Variants in ZNF350 observed in about 807,000 individuals in gnomAD.
ZNF350 encodes zinc finger protein 350, also known as KRAB zinc finger protein ZFQR.
A neutral mutation model predicts 13.1 loss-of-function variants in ZNF350; 5 were observed. That is an observed-to-expected ratio of 0.38 (90% CI 0.20 to 0.80). ZNF350 has a LOEUF of 0.80. ZNF350 is among the 30% of genes least tolerant of loss of function. The pLI, the probability that ZNF350 is intolerant of heterozygous loss-of-function variation, is 0.43. For missense variants in ZNF350, 534 were observed against 644.2 expected (o/e 0.83, Z 1.85); for synonymous variants, 199 against 224.2 (o/e 0.89, Z 1.00).
At chr19:51,975,266 C>T (rs968841919) in intron 1 of ZNF350, among the ~76,000 whole-genome samples, 22 of 152,006 alleles carry the variant, frequency 1.4e-4, no homozygotes, top group Admixed American at 1.3e-4. Context: ...ATCAGGAGTC[C>T]GAGACCGGCC....
intron 1 of ZNF350, among the ~76,000 whole-genome samples, chr19:51,985,577 G>C (rs183172044): frequency 8.5e-5 from 13 of 152,298 alleles, no homozygotes; most frequent in African/African-American, 3.1e-4. Context: ...GAACCAGCAA[G>C]ATTGGCTAAG....
intron 1 of ZNF350, among the ~76,000 whole-genome samples, chr19:51,977,333 G>A (rs149582640): frequency 6.6e-6 from 1 of 152,306 alleles, no homozygotes; most frequent in East Asian, 1.9e-4. Context: ...GGTGCTATGC[G>A]TTTTTTACCC....
At chr19:51,977,214 T>C (rs2085918783) in intron 1 of ZNF350, among the ~76,000 whole-genome samples, 1 of 152,170 alleles carries the variant, frequency 6.6e-6, no homozygotes. Context: ...AGCAGGTTAT[T>C]CATGAACACA....
rs2085558454 is a variant in ZNF350, at chr19:51,966,052, T to C, written c.401A>G (p.Lys134Arg). ...TAAAGTTAAATTGGATTTCAAACTT[T>C]TTCCACGTAAGTCAAATATATCATG... ...QNHDIFDLRG[K>R]SLKSNLTLVN... is the part of the protein sequence containing the mutation. The change falls in exon 5 of 5, where the codon AAA (lysine) becomes AGA (arginine). Residue 134 changes from lysine (K) to arginine (R), a missense_variant. Lys to Arg is a conservative substitution (Grantham distance 26). Coordinates refer to ENST00000243644, the MANE Select transcript of ZNF350 (RefSeq NM_021632.4). 3.1e-6 allele frequency: 5 copies of C among 1,613,980 alleles called. No individual in the cohort carries two copies. Among genetic ancestry groups the C allele is most frequent in the Non-Finnish European group, 3.4e-6 (4 of 1,180,024 alleles).
At position 51,965,470 on chromosome 19, in the gene ZNF350, A is replaced by G. The variant is rs750673090; in HGVS notation, c.983T>C (p.Ile328Thr). Residue 328 changes from isoleucine to threonine, a missense_variant, in exon 5 of 5, where the codon ATT becomes ACT. By Grantham distance (89) the Ile-to-Thr change is moderately conservative. Transcript: ENST00000243644. ...YICNECGKGF[I>T]QKTCLIAHQR... Reference sequence around the variant, plus strand: ...ATGTGCTATGAGACACGTCTTCTGAATGAAGCCTTTTCCACATTCATTGCA... The same window carrying G: ...ATGTGCTATGAGACACGTCTTCTGAGTGAAGCCTTTTCCACATTCATTGCA... 3.7e-6 allele frequency: 6 copies of G among 1,614,072 alleles called. No homozygotes were observed. The highest frequency in any genetic ancestry group is 2.2e-5 in the South Asian group (2 of 91,074).
In ZNF350 at chr19:51,982,709, G is replaced by C. The variant is rs117939818; in HGVS notation, c.-172+4061C>G. ...TTTTTAAAGTTTGAAAAAAAAGTTA[G>C]AAGACTTGCCATATCAGTTATGAGG... On this transcript the variant is annotated intron_variant, in intron 1 of 4. Coordinates refer to ENST00000243644, the MANE Select transcript of ZNF350 (RefSeq NM_021632.4). Among the ~76,000 whole-genome samples the C allele has an allele frequency of 2.5e-3, 377 of 152,212 alleles. 5 individuals carry two copies. The highest frequency in any genetic ancestry group is 4.2e-3 in the Non-Finnish European group (286 of 68,024).
chr19:51,981,421 T>C (rs1172536512), intron 1 of ZNF350: 1 of 152,184 alleles, frequency 6.6e-6, no homozygotes, highest in Non-Finnish European at 1.5e-5. Flanking sequence ...TGCAGTCCCA[T>C]GGGTCCATGT....
In ZNF350 at chr19:51,965,102, T is replaced by A. The variant is rs1247383679; in HGVS notation, c.1351A>T (p.Met451Leu). The A allele has an allele frequency of 2.5e-6, 4 of 1,614,120 alleles. No individual in the cohort carries two copies. The East Asian group carries it at 8.9e-5, about 36-fold the overall frequency. The change falls in exon 5 of 5, where the codon ATG (methionine) becomes TTG (leucine). Residue 451 changes from methionine (M) to leucine (L), a missense_variant. By Grantham distance (15) the Met-to-Leu change is conservative (BLOSUM62 2). Transcript: ENST00000243644. Reference protein sequence around the residue: ...RHSSLHTSDVMQEKNSANGAT... With the variant: ...RHSSLHTSDVLQEKNSANGAT... ...CCGTTAGCAGAGTTTTTCTCCTGCATGACATCACTGGTGTGTAATGAGCTG... is the reference window on the plus strand; with the variant it reads ...CCGTTAGCAGAGTTTTTCTCCTGCAAGACATCACTGGTGTGTAATGAGCTG...
intron 1 of ZNF350, chr19:51,980,988 C>T (rs1325256714): frequency 2.0e-5 from 3 of 152,228 alleles, no homozygotes; most frequent in African/African-American, 7.2e-5. Context: ...GCCTTACATT[C>T]TTTCAATTAA....
At chr19:51,971,840 AC>A (rs1393497560) in intron 2 of ZNF350, among the ~76,000 whole-genome samples, 1 of 152,176 alleles carries the variant, frequency 6.6e-6, no homozygotes, top group African/African-American at 2.4e-5. Flanking sequence ...TGTGCGGGTT[AC>A]AAGTGGCGCC....
intron 2 of ZNF350, among the ~76,000 whole-genome samples, chr19:51,972,656 A>AAT (rs2085773637): frequency 6.6e-6 from 1 of 151,838 alleles, no homozygotes; most frequent in Non-Finnish European, 1.5e-5. Flanking sequence ...TATCATAATG[A>AAT]ATATATATAT....
chr19:51,968,870 C>G, intron 3 of ZNF350, 135 bp downstream of exon 3: 2 of 1,577,228 alleles, frequency 1.3e-6, no homozygotes, highest in Admixed American at 3.4e-5. Flanking sequence ...ATTACACCGT[C>G]TTGTGTGGGA....
chr19:51,972,464 A>AT (rs1200417783), intron 2 of ZNF350, among the ~76,000 whole-genome samples: 1 of 151,192 alleles, frequency 6.6e-6, no homozygotes, highest in Non-Finnish European at 1.5e-5. Flanking sequence ...TGACAAATGC[A>AT]TTTTTTTCAA....
chr19:51,967,921 G>T (rs1373800897), intron 4 of ZNF350, among the ~76,000 whole-genome samples: 1 of 152,120 alleles, frequency 6.6e-6, no homozygotes, highest in African/African-American at 2.4e-5. Context: ...AAATTACACA[G>T]AACTAAAATC....
At position 51,968,625 on chromosome 19, in the gene ZNF350, T is replaced by C. The variant is rs1176574599; in HGVS notation, c.191A>G (p.Glu64Gly). The change falls in exon 4 of 5, where the codon GAA becomes GGA. Residue 64 changes from glutamate to glycine, a missense_variant. Physicochemically the swap from Glu to Gly is moderately conservative, Grantham distance 98 (BLOSUM62 -2). Coordinates refer to ENST00000243644, the MANE Select transcript of ZNF350 (RefSeq NM_021632.4). ...TCCATCTTCAATTGTCCACAGTTGT[T>C]CTCCTTGTTCCAACTTGAAGAGTGC... Reference protein sequence around the residue: ...PDALFKLEQGEQLWTIEDGIH... With the variant: ...PDALFKLEQGGQLWTIEDGIH... 1 of 1,614,048 alleles carries C rather than the reference T, an allele frequency of 6.2e-7. No individual in the cohort carries two copies. The highest frequency in any genetic ancestry group is 8.5e-7 in the Non-Finnish European group (1 of 1,180,026).
At chr19:51,966,620 C>T (rs752467456) in intron 4 of ZNF350, among the ~76,000 whole-genome samples, 2 of 150,152 alleles carry the variant, frequency 1.3e-5, no homozygotes, top group African/African-American at 4.9e-5. Flanking sequence ...GGTACAATCC[C>T]GGCTCACAGC....
intron 1 of ZNF350, among the ~76,000 whole-genome samples, chr19:51,978,458 G>C (rs915743309): frequency 1.3e-5 from 2 of 152,116 alleles, no homozygotes; most frequent in African/African-American, 4.8e-5. Context: ...CAAAATCTTT[G>C]GGTTTTTGAA....
At chr19:51,978,731 A>G (rs1381073769) in intron 1 of ZNF350, among the ~76,000 whole-genome samples, 1 of 152,186 alleles carries the variant, frequency 6.6e-6, no homozygotes, top group African/African-American at 2.4e-5. Flanking sequence ...TTGAAAAAAC[A>G]AAAAGGGGGT....
In ZNF350 at chr19:51,979,497, G is replaced by A. The variant is rs529656923; in HGVS notation, c.-171-4966C>T. 6.6e-5 allele frequency among the ~76,000 whole-genome samples: 10 copies of A among 152,274 alleles called. No individual in the cohort carries two copies. In the East Asian group the frequency reaches 7.7e-4, roughly 12 times the overall value. ...TCCCTTTGTTTATCACCACAAAGAC[G>A]TCGCTCAGCCATAGCTGTCTTGCAA... On this transcript the variant is annotated intron_variant, in intron 1 of 4. Transcript: ENST00000243644.
Sources: gnomAD v4.1 joint callset for allele counts (sites outside exome capture counted in the v4.1 genomes callset) on GRCh38, gnomAD v4.1.1 for gene constraint, MANE v1.5 for transcripts, NCBI Gene and HGNC (gene_info 2026-07-23, HGNC 2026-07-21) for gene names.